Variants in GABRG2 observed in about 807,000 individuals in gnomAD.
The protein encoded by GABRG2 is gamma-aminobutyric acid type A receptor subunit gamma2.
GABRG2 carries 16 observed loss-of-function variants against 56.4 expected under a neutral mutation model. The observed-to-expected ratio is 0.28, with a 90% CI of 0.19 to 0.43. The LOEUF is 0.43. GABRG2 is among the 20% of genes least tolerant of loss of function. The probability of loss-of-function intolerance (pLI) is 1.00; values close to 1 mark genes in which losing one functional copy is unlikely to be tolerated. For missense variants in GABRG2, 327 were observed against 582.7 expected (o/e 0.56, Z 4.52); for synonymous variants, 208 against 205.5 (o/e 1.01, Z -0.10).
At chr5:162,141,804 G>C (rs1422437415) in intron 6 of GABRG2, among the ~76,000 whole-genome samples, 1 of 152,086 alleles carries the variant, frequency 6.6e-6, no homozygotes, top group African/African-American at 2.4e-5. Context: ...ATGAATTGCA[G>C]ACAAGATACG....
At chr5:162,137,356 C>A (rs375931673) in intron 6 of GABRG2, among the ~76,000 whole-genome samples, 1 of 152,116 alleles carries the variant, frequency 6.6e-6, no homozygotes, top group East Asian at 1.9e-4. Flanking sequence ...TTGTGTATCC[C>A]CACCAACAGT....
At chr5:162,144,638 G>A (rs2113610819) in intron 7 of GABRG2, among the ~76,000 whole-genome samples, 1 of 152,286 alleles carries the variant, frequency 6.6e-6, no homozygotes, top group South Asian at 2.1e-4. Flanking sequence ...CTGAGCTAAG[G>A]AAGTAGAGGT....
At chr5:162,122,368 A>G (rs1228303665) in intron 6 of GABRG2, among the ~76,000 whole-genome samples, 1 of 151,894 alleles carries the variant, frequency 6.6e-6, no homozygotes, top group African/African-American at 2.4e-5. Flanking sequence ...AAATAAACAA[A>G]TTGGACAAAT....
At chr5:162,094,572 G>A (rs1358682879) in intron 2 of GABRG2, 1 of 156,180 alleles carries the variant, frequency 6.4e-6, no homozygotes, top group Non-Finnish European at 1.4e-5. Flanking sequence ...GAGGCTGAAT[G>A]CTTAGGCCTA....
chr5:162,142,559 C>T (rs1262625629), intron 7 of GABRG2: 9 of 407,456 alleles, frequency 2.2e-5, no homozygotes, highest in Admixed American at 1.0e-4. Flanking sequence ...CCATGGAATA[C>T]TATGCAGCCA....
chr5:162,136,587 T>A (rs1252495050), intron 6 of GABRG2, among the ~76,000 whole-genome samples: 1 of 151,790 alleles, frequency 6.6e-6, no homozygotes, highest in Admixed American at 6.6e-5. Context: ...AGAATAAAGA[T>A]GGAAAAATCA....
At chr5:162,141,031 T>G (rs978532044) in intron 6 of GABRG2, among the ~76,000 whole-genome samples, 1 of 152,144 alleles carries the variant, frequency 6.6e-6, no homozygotes, top group Admixed American at 6.5e-5. Flanking sequence ...TGCTTCTTTT[T>G]TTTGTTTGTT....
chr5:162,103,487 T>A (rs1379636789), intron 5 of GABRG2: 1 of 192,054 alleles, frequency 5.2e-6, no homozygotes, highest in African/African-American at 2.3e-5. Context: ...TATTTTCTGT[T>A]TCTATGTGAC....
In GABRG2 at chr5:162,088,159, C is replaced by T. The variant is rs138877532; in HGVS notation, c.108-5669C>T. 4.1e-3 allele frequency among the ~76,000 whole-genome samples: 623 copies of T among 152,160 alleles called. 2 individuals carry two copies. The highest frequency in any genetic ancestry group is 0.014 in the African/African-American group (567 of 41,516). On this transcript the variant is annotated intron_variant, in intron 1 of 9. Coordinates refer to ENST00000639213, the MANE Select transcript of GABRG2 (RefSeq NM_198904.4). ...AGGACCTATATGAAGGAGCAACTAG[C>T]GCCCCAATGGCCCCATCCATTGAAC...
intron 1 of GABRG2, among the ~76,000 whole-genome samples, chr5:162,083,251 A>G (rs1257491713): frequency 1.3e-5 from 2 of 151,768 alleles, no homozygotes; most frequent in African/African-American, 4.8e-5. Context: ...GATACATTTG[A>G]ATATCTGCCT....
intron 6 of GABRG2, among the ~76,000 whole-genome samples, chr5:162,117,855 G>T (rs746804841): frequency 1.3e-5 from 2 of 152,116 alleles, no homozygotes; most frequent in African/African-American, 4.8e-5. Flanking sequence ...GCACAGATAA[G>T]TAGTGTTGGT....
At chr5:162,143,586 C>T (rs903231748) in intron 7 of GABRG2, among the ~76,000 whole-genome samples, 15 of 152,138 alleles carry the variant, frequency 9.9e-5, no homozygotes, top group African/African-American at 3.4e-4. Flanking sequence ...CCTAGAACCA[C>T]ATCCCTTGCT....
chr5:162,081,281 T>C (rs1326489644), intron 1 of GABRG2, among the ~76,000 whole-genome samples: 1 of 152,126 alleles, frequency 6.6e-6, no homozygotes, highest in African/African-American at 2.4e-5. Context: ...AAATATCTAA[T>C]GGCAGAGAAT....
At chr5:162,149,843 A>G in intron 8 of GABRG2, 2 of 327,970 alleles carry the variant, frequency 6.1e-6, no homozygotes, top group South Asian at 5.0e-5. Context: ...CGAACTCCTG[A>G]CCTCAGGTGA....
intron 6 of GABRG2, among the ~76,000 whole-genome samples, chr5:162,105,791 T>C (rs1467324873): frequency 7.1e-6 from 1 of 140,064 alleles, no homozygotes; most frequent in Non-Finnish European, 1.5e-5. Flanking sequence ...AACTGAAGTC[T>C]TCCATTGGCG....
chr5:162,140,424 C>T (rs997995327), intron 6 of GABRG2, among the ~76,000 whole-genome samples: 1 of 152,154 alleles, frequency 6.6e-6, no homozygotes, highest in Non-Finnish European at 1.5e-5. Flanking sequence ...CTTTCTATTT[C>T]AGCAGCTTTG....
At chr5:162,149,733 C>T in intron 8 of GABRG2, 1 of 461,546 alleles carries the variant, frequency 2.2e-6, no homozygotes, top group Non-Finnish European at 4.3e-6. Flanking sequence ...CCTGCCTCAG[C>T]CCCCTGAGTA....
intron 6 of GABRG2, among the ~76,000 whole-genome samples, chr5:162,108,675 C>T (rs539466704): frequency 2.6e-5 from 4 of 152,180 alleles, no homozygotes; most frequent in South Asian, 2.1e-4. Context: ...TTAATATATC[C>T]GAGCCCAATA....
At chr5:162,135,037 C>T (rs1014241082) in intron 6 of GABRG2, among the ~76,000 whole-genome samples, 11 of 152,140 alleles carry the variant, frequency 7.2e-5, no homozygotes, top group Admixed American at 3.9e-4. Context: ...GAAATCAGAA[C>T]GGCAAAGTTT....
Sources: allele counts gnomAD v4.1 joint callset (sites outside exome capture counted in the v4.1 genomes callset), GRCh38; gene constraint gnomAD v4.1.1; transcripts MANE v1.5; gene names NCBI Gene and HGNC (gene_info 2026-07-23, HGNC 2026-07-21).